Variants in TMPRSS11D observed in about 807,000 individuals in gnomAD.
The protein encoded by TMPRSS11D is transmembrane serine protease 11D, also known as transmembrane protease serine 11D.
In TMPRSS11D, 32 loss-of-function variants were observed where a neutral mutation model predicts 44.4. The observed-to-expected ratio is 0.72, with a 90% confidence interval of 0.54 to 0.97. TMPRSS11D has a LOEUF of 0.97. Ranked by LOEUF, TMPRSS11D falls within the 50% of genes least tolerant of loss-of-function variation. TMPRSS11D has a pLI of 0.00. For synonymous variants in TMPRSS11D, 179 were observed against 177.9 expected (o/e 1.01, Z -0.05); for missense variants, 446 against 502.6 (o/e 0.89, Z 1.08).
chr4:67,865,506 C>A (rs913139612), intron 1 of TMPRSS11D, among the ~76,000 whole-genome samples: 4 of 150,938 alleles, frequency 2.7e-5, no homozygotes, highest in Non-Finnish European at 5.9e-5. Context: ...AAAATTTAGA[C>A]CAAAAAATTA....
At chr4:67,833,161 C>G (rs1380453349) in intron 7 of TMPRSS11D, 43 bp downstream of exon 7, 3 of 1,369,738 alleles carry the variant, frequency 2.2e-6, no homozygotes, top group African/African-American at 3.0e-5. Flanking sequence ...CATGACCTGT[C>G]TATTCTAATT....
At chr4:67,844,999 C>T (rs918761295) in intron 3 of TMPRSS11D, among the ~76,000 whole-genome samples, 14 of 152,116 alleles carry the variant, frequency 9.2e-5, no homozygotes, top group African/African-American at 3.4e-4. Flanking sequence ...TGTCACAAAG[C>T]TGAAGGAATT....
intron 9 of TMPRSS11D, among the ~76,000 whole-genome samples, chr4:67,825,413 G>T (rs1378429190): frequency 6.9e-6 from 1 of 145,498 alleles, no homozygotes; most frequent in Non-Finnish European, 1.5e-5. Context: ...TACCCAAAAA[G>T]TTAGGTGCTA....
chr4:67,822,601 A>G (rs1577799032), intron 9 of TMPRSS11D, 103 bp from the exon 10 acceptor site: 4 of 1,273,436 alleles, frequency 3.1e-6, no homozygotes, highest in Non-Finnish European at 3.3e-6. Context: ...CATTCATTAT[A>G]CAAATAAAGT....
At chr4:67,871,156 C>CG (rs1719053818) in intron 1 of TMPRSS11D, among the ~76,000 whole-genome samples, 3 of 12,022 alleles carry the variant, frequency 2.5e-4, no homozygotes, top group Non-Finnish European at 0.01. Context: ...GTGATGAATA[C>CG]CAAGCCAAGA....
intron 2 of TMPRSS11D, among the ~76,000 whole-genome samples, chr4:67,859,092 A>G (rs901301436): frequency 6.6e-6 from 1 of 152,176 alleles, no homozygotes; most frequent in Non-Finnish European, 1.5e-5. Flanking sequence ...CAGAAGACAG[A>G]AGCATTATTT....
chr4:67,840,581 T>A (rs923900198), intron 4 of TMPRSS11D, among the ~76,000 whole-genome samples: 7 of 152,198 alleles, frequency 4.6e-5, no homozygotes, highest in Admixed American at 1.3e-4. Flanking sequence ...ACATTATTTT[T>A]AAAAGATCAC....
At chr4:67,836,749 A>C (rs879789433) in intron 5 of TMPRSS11D, among the ~76,000 whole-genome samples, 4 of 152,204 alleles carry the variant, frequency 2.6e-5, no homozygotes, top group Non-Finnish European at 4.4e-5. Flanking sequence ...TCATTAAATA[A>C]GTGTTTTGAT....
At chr4:67,831,083 G>A (rs182226538) in intron 7 of TMPRSS11D, among the ~76,000 whole-genome samples, 2 of 152,192 alleles carry the variant, frequency 1.3e-5, no homozygotes, top group Non-Finnish European at 2.9e-5. Flanking sequence ...AGTAATTATG[G>A]TCTCTTTCTT....
At chr4:67,864,999 T>C (rs1013853711) in intron 1 of TMPRSS11D, among the ~76,000 whole-genome samples, 3 of 151,842 alleles carry the variant, frequency 2.0e-5, no homozygotes, top group East Asian at 3.8e-4. Context: ...TGGACTTAAA[T>C]TGGACTTAGA....
chr4:67,843,305 T>C (rs1718278317), intron 3 of TMPRSS11D, among the ~76,000 whole-genome samples: 1 of 151,932 alleles, frequency 6.6e-6, no homozygotes, highest in African/African-American at 2.4e-5. Context: ...AAAGAGGTGA[T>C]GGTTAATGGG....
chr4:67,823,996 A>G (rs1484423248), intron 9 of TMPRSS11D, among the ~76,000 whole-genome samples: 2 of 152,148 alleles, frequency 1.3e-5, no homozygotes, highest in Non-Finnish European at 2.9e-5. Flanking sequence ...TGCTGAATGC[A>G]GGGATAGTAT....
intron 7 of TMPRSS11D, among the ~76,000 whole-genome samples, chr4:67,828,480 A>G (rs111320890): frequency 1.4e-4 from 22 of 152,148 alleles, no homozygotes; most frequent in African/African-American, 5.3e-4. Flanking sequence ...CATCTTGTTC[A>G]TGTCTCAAAG....
intron 2 of TMPRSS11D, among the ~76,000 whole-genome samples, chr4:67,857,733 G>T (rs1718690025): frequency 6.6e-6 from 1 of 152,174 alleles, no homozygotes; most frequent in Non-Finnish European, 1.5e-5. Context: ...GAGGGGGATT[G>T]AAGAGAGGTT....
chr4:67,862,746 T>G (rs1183393797), intron 1 of TMPRSS11D, among the ~76,000 whole-genome samples: 1 of 152,152 alleles, frequency 6.6e-6, no homozygotes, highest in Non-Finnish European at 1.5e-5. Context: ...GATGAGTTCA[T>G]GTCCTTTGTA....
intron 1 of TMPRSS11D, among the ~76,000 whole-genome samples, 171 bp downstream of exon 1, chr4:67,883,750 GAAAAT>G (rs1358852460): frequency 6.6e-6 from 1 of 152,056 alleles, no homozygotes; most frequent in Non-Finnish European, 1.5e-5. Context: ...TGTACCTTAT[GAAAAT>G]AATATCAAGC....
chr4:67,855,901 C>T (rs1283713651), intron 2 of TMPRSS11D, among the ~76,000 whole-genome samples: 1 of 151,882 alleles, frequency 6.6e-6, no homozygotes, highest in Non-Finnish European at 1.5e-5. Flanking sequence ...TTCTATACAC[C>T]AACAATGAAA....
At chr4:67,875,994 G>A (rs1719181234) in intron 1 of TMPRSS11D, among the ~76,000 whole-genome samples, 1 of 152,114 alleles carries the variant, frequency 6.6e-6, no homozygotes, top group African/African-American at 2.4e-5. Context: ...TCTAATACTG[G>A]CACAAAGAGT....
chr4:67,822,346 A>G lies in TMPRSS11D; in HGVS notation c.1248T>C (p.Thr416=). ...GGATGCACTTGTTGCACTAGATCCC[A>G]GTTTGTTGCCTAATCCAGTCAAGGT... The part of the protein sequence containing the change: ...TAYLDWIRQQ[T]GI Residue 416 remains threonine, a synonymous_variant, in exon 10 of 10, where the codon ACT becomes ACC. Transcript: ENST00000283916. 6.2e-7 allele frequency: 1 copy of G among 1,613,628 alleles called. No homozygotes were observed. Among genetic ancestry groups the G allele is most frequent in the Non-Finnish European group, 8.5e-7 (1 of 1,179,668 alleles).
Sources: gnomAD v4.1 joint callset for allele counts (sites outside exome capture counted in the v4.1 genomes callset) on GRCh38, gnomAD v4.1.1 for gene constraint, MANE v1.5 for transcripts, NCBI Gene and HGNC (gene_info 2026-07-23, HGNC 2026-07-21) for gene names.